Variants in PLCB4 observed in about 807,000 individuals in gnomAD.
PLCB4 encodes phospholipase C beta 4, also known as 1-phosphatidylinositol 4,5-bisphosphate phosphodiesterase beta-4.
A neutral mutation model predicts 178.8 loss-of-function variants in PLCB4; 77 were observed. That is an observed-to-expected ratio of 0.43 (90% CI 0.36 to 0.52). The LOEUF is 0.52. Ranked by LOEUF, PLCB4 falls within the 20% of genes least tolerant of loss-of-function variation. The pLI, the probability that PLCB4 is intolerant of heterozygous loss-of-function variation, is 0.00. For synonymous variants in PLCB4, 496 were observed against 490.8 expected (o/e 1.01, Z -0.14); for missense variants, 1,024 against 1,453.4 (o/e 0.70, Z 4.80).
intron 3 of PLCB4, among the ~76,000 whole-genome samples, chr20:9,243,130 A>G (rs1171165242): frequency 6.6e-6 from 1 of 152,206 alleles, no homozygotes; most frequent in African/African-American, 2.4e-5. Flanking sequence ...ACATAACCCA[A>G]TGTTCTGTAT....
At position 9,479,876 on chromosome 20, in the gene PLCB4, A is replaced by C. The variant is rs1177571806; in HGVS notation, c.*867A>C. On this transcript the variant is annotated 3_prime_UTR_variant, in exon 40 of 40. Coordinates refer to ENST00000378473, the MANE Select transcript of PLCB4 (RefSeq NM_001377142.1). ...ACAGGAATACTAGAACTATGTTTGCATGATACACAAGCACCAATAAAGACT... is the reference window on the plus strand; with the variant it reads ...ACAGGAATACTAGAACTATGTTTGCCTGATACACAAGCACCAATAAAGACT... 6.6e-6 allele frequency: 1 copy of C among 152,574 alleles called. No homozygotes were observed. Among genetic ancestry groups the C allele is most frequent in the Non-Finnish European group, 1.5e-5 (1 of 68,054 alleles). 9.5% of individuals were successfully genotyped at this position (152,574 alleles called of 1,614,324 possible). A position where few individuals can be genotyped will look rare whatever the true frequency, so the allele number is the denominator to read the frequency against.
intron 1 of PLCB4, among the ~76,000 whole-genome samples, chr20:9,076,695 T>C (rs2089885606): frequency 6.6e-6 from 1 of 152,180 alleles, no homozygotes; most frequent in African/African-American, 2.4e-5. Flanking sequence ...CAGCCCTCAT[T>C]TTCCTTGTTG....
intron 8 of PLCB4, among the ~76,000 whole-genome samples, chr20:9,365,130 T>A (rs2035665589): frequency 6.6e-6 from 1 of 152,216 alleles, no homozygotes; most frequent in African/African-American, 2.4e-5. Context: ...TAGCTAGGGT[T>A]GCCAGATAAA....
chr20:9,074,728 G>A (rs908960583), intron 1 of PLCB4, among the ~76,000 whole-genome samples: 1 of 151,048 alleles, frequency 6.6e-6, no homozygotes, highest in African/African-American at 2.4e-5. Flanking sequence ...TGTGACTTTG[G>A]TGTTTCAGAA....
At chr20:9,352,060 G>T (rs2148164325) in intron 7 of PLCB4, among the ~76,000 whole-genome samples, 1 of 152,302 alleles carries the variant, frequency 6.6e-6, no homozygotes, top group African/African-American at 2.4e-5. Flanking sequence ...TTAAGATGAT[G>T]CTTTTGGTTT....
intron 4 of PLCB4, among the ~76,000 whole-genome samples, chr20:9,320,217 G>C (rs894457574): frequency 6.6e-6 from 1 of 152,158 alleles, no homozygotes; most frequent in African/African-American, 2.4e-5. Context: ...CCAGGAAAGG[G>C]GAAGTAATTC....
At chr20:9,441,492 C>T (rs2042099907) in intron 30 of PLCB4, among the ~76,000 whole-genome samples, 1 of 152,092 alleles carries the variant, frequency 6.6e-6, no homozygotes, top group Non-Finnish European at 1.5e-5. Flanking sequence ...TTCTGGGAGG[C>T]AGTGGACATG....
intron 22 of PLCB4, 42 bp from the exon 23 acceptor site, chr20:9,408,591 G>C (rs1227525975): frequency 1.1e-5 from 9 of 810,374 alleles, no homozygotes; most frequent in Admixed American, 9.6e-5. Flanking sequence ...GTGAGGGTTT[G>C]ATGGCAGAGT....
Position 9,453,378 on chromosome 20 carries a change from C to T in PLCB4, c.2912C>T (p.Thr971Met), listed in dbSNP as rs756285034. ...AGTACCATGCAGAAGTTACACTGCA[C>T]GCAAGTTGACAAAATTGTGGCACAG... ...EHSTMQKLHC[T>M]QVDKIVAQYD... The change falls in exon 33 of 40, where the codon ACG (threonine) becomes ATG (methionine). Residue 971 changes from threonine (T) to methionine (M), a missense_variant. Around this residue, in one of 7 missense-constraint regions of PLCB4, gnomAD observed 264 missense variants for 283.2 expected, o/e 0.93. Transcript: ENST00000378473. 67 of 1,611,876 alleles carry T rather than the reference C, an allele frequency of 4.2e-5. No homozygotes were observed. In the Middle Eastern group the frequency reaches 4.9e-4, roughly 12 times the overall value.
chr20:9,294,578 C>T (rs1420664660), intron 3 of PLCB4, among the ~76,000 whole-genome samples: 1 of 152,166 alleles, frequency 6.6e-6, no homozygotes, highest in South Asian at 2.1e-4. Flanking sequence ...TTCCGAATAC[C>T]TAGCCAGCTT....
chr20:9,212,894 A>T (rs2093687771), intron 2 of PLCB4, among the ~76,000 whole-genome samples: 1 of 152,112 alleles, frequency 6.6e-6, no homozygotes, highest in East Asian at 1.9e-4. Flanking sequence ...ACTCACTTAA[A>T]ATGTACAATT....
intron 2 of PLCB4, among the ~76,000 whole-genome samples, chr20:9,126,841 T>G (rs568538949): frequency 4.6e-5 from 7 of 151,562 alleles, no homozygotes; most frequent in Admixed American, 4.6e-4. Context: ...AAGGAAGCAT[T>G]CAGTCTTGAG....
chr20:9,371,083 A>G, intron 9 of PLCB4, 131 bp from the exon 10 acceptor site: 1 of 665,526 alleles, frequency 1.5e-6, no homozygotes, highest in East Asian at 2.6e-5. Flanking sequence ...AACATCTGCA[A>G]TGAGAGGTAA....
intron 1 of PLCB4, among the ~76,000 whole-genome samples, chr20:9,080,487 A>C (rs192644450): frequency 6.6e-6 from 1 of 152,300 alleles, no homozygotes; most frequent in East Asian, 1.9e-4. Flanking sequence ...AAGGAATTGC[A>C]CTAGATTAAT....
At chr20:9,239,436 C>T (rs536177762) in intron 3 of PLCB4, among the ~76,000 whole-genome samples, 32 of 152,170 alleles carry the variant, frequency 2.1e-4, no homozygotes, top group Non-Finnish European at 4.3e-4. Flanking sequence ...TGGCTGACCC[C>T]TATAACAAAG....
intron 25 of PLCB4, among the ~76,000 whole-genome samples, chr20:9,413,521 T>C (rs1408677149): frequency 6.6e-6 from 1 of 151,810 alleles, no homozygotes; most frequent in Non-Finnish European, 1.5e-5. Flanking sequence ...TAGCCGGGCG[T>C]GGTGGCGGGC....
At chr20:9,202,615 C>T (rs1193281751) in intron 2 of PLCB4, among the ~76,000 whole-genome samples, 2 of 152,148 alleles carry the variant, frequency 1.3e-5, no homozygotes, top group African/African-American at 4.8e-5. Flanking sequence ...TTCCCACATT[C>T]TCCCAGAAGC....
intron 32 of PLCB4, among the ~76,000 whole-genome samples, chr20:9,447,896 G>C (rs1235247740): frequency 6.6e-6 from 1 of 152,132 alleles, no homozygotes; most frequent in East Asian, 1.9e-4. Context: ...GAGCAATCAT[G>C]AACCTATCAG....
chr20:9,096,774 T>A (rs1335688653), intron 2 of PLCB4, among the ~76,000 whole-genome samples: 1 of 152,186 alleles, frequency 6.6e-6, no homozygotes, highest in Non-Finnish European at 1.5e-5. Context: ...GATTTCTTTT[T>A]CAGTGTGTGG....
Sources: allele counts gnomAD v4.1 joint callset (sites outside exome capture counted in the v4.1 genomes callset), GRCh38; gene constraint gnomAD v4.1.1; regional missense constraint gnomAD v4.1.1; transcripts MANE v1.5; gene names NCBI Gene and HGNC (gene_info 2026-07-23, HGNC 2026-07-21).